NECAB1: variants seen among roughly 807,000 people sequenced by gnomAD.
NECAB1 encodes N-terminal EF-hand calcium-binding protein 1.
NECAB1 carries 29 observed loss-of-function variants against 57.5 expected under a neutral mutation model. The observed-to-expected ratio is 0.50, with a 90% CI of 0.38 to 0.69. The LOEUF is 0.69. Ranked by LOEUF, NECAB1 falls within the 30% of genes least tolerant of loss-of-function variation. NECAB1 has a pLI of 0.00. For missense variants in NECAB1, 372 were observed against 413.8 expected (o/e 0.90, Z 0.88); for synonymous variants, 142 against 147.7 (o/e 0.96, Z 0.28).
At chr8:90,922,076 C>T (rs1051958907) in intron 6 of NECAB1, among the ~76,000 whole-genome samples, 21 of 152,212 alleles carry the variant, frequency 1.4e-4, no homozygotes, top group African/African-American at 5.1e-4. Context: ...ACATTAATTC[C>T]ATGTGTTCAG....
At chr8:90,950,676 T>G (rs935949445) in intron 11 of NECAB1, among the ~76,000 whole-genome samples, 1 of 152,148 alleles carries the variant, frequency 6.6e-6, no homozygotes, top group South Asian at 2.1e-4. Flanking sequence ...GAAGGCAAAA[T>G]GACACCAACA....
At chr8:90,892,867 G>A (rs1227381928) in intron 5 of NECAB1, among the ~76,000 whole-genome samples, 1 of 152,162 alleles carries the variant, frequency 6.6e-6, no homozygotes, top group Non-Finnish European at 1.5e-5. Context: ...TCAGGACAAA[G>A]TCTAGACTCT....
chr8:90,837,176 C>T (rs1001078458), intron 3 of NECAB1, among the ~76,000 whole-genome samples: 3 of 152,210 alleles, frequency 2.0e-5, no homozygotes, highest in Admixed American at 6.5e-5. Flanking sequence ...GGGAGGTCAC[C>T]TGTGCTACTT....
chr8:90,873,867 T>C (rs1365377338), intron 4 of NECAB1, among the ~76,000 whole-genome samples: 1 of 138,134 alleles, frequency 7.2e-6, no homozygotes, highest in Non-Finnish European at 1.5e-5. Flanking sequence ...TTTAAAAATA[T>C]GCCTTTTTTC....
At chr8:90,808,640 C>CTTTTTTTTTTTTTTTTT (rs200075536) in intron 2 of NECAB1, among the ~76,000 whole-genome samples, 6 of 81,278 alleles carry the variant, frequency 7.4e-5, no homozygotes, top group Non-Finnish European at 1.3e-4. Context: ...TTTTTCTTTT[C>CTTTTTTTTTTTTTTTTT]TTTTTTTTTT....
chr8:90,881,088 C>A lies in NECAB1; in HGVS notation c.315C>A (p.Asp105Glu). 6.2e-7 allele frequency: 1 copy of A among 1,607,650 alleles called. No homozygotes were observed. The highest frequency in any genetic ancestry group is 8.5e-7 in the Non-Finnish European group (1 of 1,176,890). Reference sequence around the variant, plus strand: ...AGAATGTACTAGCAGCACTTGAAGACCTGAATCTTTCCATCCTGAAGGCAA... The same window carrying A: ...AGAATGTACTAGCAGCACTTGAAGAACTGAATCTTTCCATCCTGAAGGCAA... Reference protein sequence around the residue: ...EYENVLAALEDLNLSILKAMG... With the variant: ...EYENVLAALEELNLSILKAMG... The change falls in exon 5 of 13, where the codon GAC (aspartate) becomes GAA (glutamate). Residue 105 changes from aspartate to glutamate, a missense_variant. By Grantham distance (45) the Asp-to-Glu change is conservative (BLOSUM62 2). Coordinates refer to ENST00000417640, the MANE Select transcript of NECAB1 (RefSeq NM_022351.5).
At chr8:90,792,762 C>T (rs1286610009) in intron 1 of NECAB1, among the ~76,000 whole-genome samples, 5 of 152,102 alleles carry the variant, frequency 3.3e-5, no homozygotes, top group Non-Finnish European at 5.9e-5. Context: ...CTTTACAGCA[C>T]TTTTATTTCT....
At chr8:90,857,758 A>T (rs1001547833) in intron 3 of NECAB1, among the ~76,000 whole-genome samples, 3 of 152,128 alleles carry the variant, frequency 2.0e-5, no homozygotes, top group Non-Finnish European at 4.4e-5. Context: ...TCAATCTTTC[A>T]TGAAATTGGA....
intron 5 of NECAB1, among the ~76,000 whole-genome samples, chr8:90,886,483 T>C (rs898492207): frequency 6.6e-6 from 1 of 152,164 alleles, no homozygotes; most frequent in Non-Finnish European, 1.5e-5. Context: ...CTTAGATATA[T>C]TTGAAAATGT....
chr8:90,947,805 G>A (rs530802647), intron 10 of NECAB1, among the ~76,000 whole-genome samples: 1 of 152,326 alleles, frequency 6.6e-6, no homozygotes, highest in African/African-American at 2.4e-5. Flanking sequence ...ATAAATGGTG[G>A]ATGGTGGAAG....
chr8:90,843,799 G>A (rs1256297487), intron 3 of NECAB1, among the ~76,000 whole-genome samples: 2 of 152,192 alleles, frequency 1.3e-5, no homozygotes, highest in Non-Finnish European at 2.9e-5. Flanking sequence ...CACTGACAAT[G>A]TACATCAAGG....
At chr8:90,929,667 C>G (rs746510729) in intron 8 of NECAB1, among the ~76,000 whole-genome samples, 3 of 151,972 alleles carry the variant, frequency 2.0e-5, no homozygotes, top group Non-Finnish European at 4.4e-5. Flanking sequence ...TCCCAGAGCA[C>G]AGTACAGAAA....
chr8:90,893,309 A>T (rs907034333), intron 5 of NECAB1, among the ~76,000 whole-genome samples: 3 of 151,800 alleles, frequency 2.0e-5, no homozygotes, highest in Admixed American at 6.6e-5. Context: ...AGCTCCTTTT[A>T]CTTTTTACTT....
At chr8:90,931,795 T>G (rs570862031) in intron 8 of NECAB1, among the ~76,000 whole-genome samples, 71 of 152,112 alleles carry the variant, frequency 4.7e-4, no homozygotes, top group African/African-American at 1.5e-3. Context: ...TCCCAGCTAC[T>G]TGGGAGGCTG....
rs1354985385 is a variant in NECAB1, at chr8:90,793,232, C to A, written c.99+1247C>A. 3.9e-5 allele frequency among the ~76,000 whole-genome samples: 6 copies of A among 152,244 alleles called. No individual in the cohort carries two copies. In the Middle Eastern group the frequency reaches 0.01, roughly 259 times the overall value. ...TATTTTGAATGGATTGGCTAGAATTCTTTTTAATTCTAGGGAAAGAAACTC... is the reference window on the plus strand; with the variant it reads ...TATTTTGAATGGATTGGCTAGAATTATTTTTAATTCTAGGGAAAGAAACTC... On this transcript the variant is annotated intron_variant, in intron 1 of 12. Transcript: ENST00000417640.
chr8:90,891,493 A>G (rs1370165897), intron 5 of NECAB1, among the ~76,000 whole-genome samples: 1 of 152,050 alleles, frequency 6.6e-6, no homozygotes, highest in Non-Finnish European at 1.5e-5. Flanking sequence ...TATGAATTCT[A>G]GAGGGTTTTT....
chr8:90,882,438 GA>G (rs1447846749), intron 5 of NECAB1, among the ~76,000 whole-genome samples: 5 of 151,708 alleles, frequency 3.3e-5, no homozygotes, highest in African/African-American at 1.2e-4. Context: ...AAAAAAAAAG[GA>G]AAACAGGTAA....
rs577951495 is a variant in NECAB1, at chr8:90,922,486, A to ATTTTTTTTTTTTTTTTTT, written c.495-3042_495-3025dup. Reference sequence around the variant, plus strand: ...ACCACCAAAGCTGCCAAAAACTTGGATTTTTTTTTTTTTTTTTTTTTTTTG... The same window carrying ATTTTTTTTTTTTTTTTTT: ...ACCACCAAAGCTGCCAAAAACTTGGATTTTTTTTTTTTTTTTTTTTTTTTTTTTTTTTTTTTTTTTTTG... On this transcript the variant is annotated intron_variant, in intron 6 of 12. Coordinates refer to ENST00000417640, the MANE Select transcript of NECAB1 (RefSeq NM_022351.5). Among the ~76,000 whole-genome samples, 17 of 57,512 alleles carry ATTTTTTTTTTTTTTTTTT rather than the reference A, an allele frequency of 3.0e-4. 2 individuals are homozygous for ATTTTTTTTTTTTTTTTTT. Among genetic ancestry groups the ATTTTTTTTTTTTTTTTTT allele is most frequent in the East Asian group, 1.9e-3 (2 of 1,042 alleles). 37.7% of individuals were successfully genotyped at this position (57,512 alleles called of 152,430 possible). A position where few individuals can be genotyped will look rare whatever the true frequency, so the allele number is the denominator to read the frequency against.
intron 2 of NECAB1, among the ~76,000 whole-genome samples, chr8:90,804,068 G>A (rs550301232): frequency 5.9e-5 from 9 of 152,286 alleles, no homozygotes; most frequent in African/African-American, 1.4e-4. Context: ...TAAGCCAAGC[G>A]TGCCTCTCTA....
Sources: allele counts gnomAD v4.1 joint callset (sites outside exome capture counted in the v4.1 genomes callset), GRCh38; gene constraint gnomAD v4.1.1; transcripts MANE v1.5; gene names NCBI Gene and HGNC (gene_info 2026-07-23, HGNC 2026-07-21).